Variants in HPSE2 observed in about 807,000 individuals in gnomAD.
HPSE2 encodes inactive heparanase-2.
HPSE2 carries 38 observed loss-of-function variants against 60.5 expected under a neutral mutation model. The observed-to-expected ratio is 0.63, with a 90% CI of 0.48 to 0.82. The LOEUF (loss-of-function observed/expected upper bound fraction) is 0.82. Ranked by LOEUF, HPSE2 falls within the 40% of genes least tolerant of loss-of-function variation. The pLI, the probability that HPSE2 is intolerant of heterozygous loss-of-function variation, is 0.00. For missense variants in HPSE2, 713 were observed against 740.4 expected (o/e 0.96, Z 0.43); for synonymous variants, 295 against 293.2 (o/e 1.01, Z -0.06).
the HPSE2 span, among the ~76,000 whole-genome samples, chr10:99,288,159 A>T: frequency 9.3e-6 from 1 of 107,098 alleles, no homozygotes; most frequent in Admixed American, 9.4e-5. Context: ...TCAGGGCTTC[A>T]GTTTCCCCAT....
upstream of HPSE2, among the ~76,000 whole-genome samples, chr10:99,240,613 C>T (rs1047510686): frequency 3.3e-5 from 5 of 151,988 alleles, no homozygotes; most frequent in African/African-American, 1.2e-4. Flanking sequence ...AGGGTTTCAC[C>T]GTGTTAGCCA....
Position 99,144,341 on chromosome 10 carries a change from G to T in HPSE2, c.507C>A (p.His169Gln), listed in dbSNP as rs779273450. Reference protein sequence around the residue: ...DKQKGCKIAQHPDVMLELQRE... With the variant: ...DKQKGCKIAQQPDVMLELQRE... The stretch of plus-strand genomic sequence containing the variant: ...TTTGGAGCTCCAGCATAACATCAGG[G>T]TGCTGGGCAATCTTGCAGCCTTTCT... Residue 169 changes from histidine to glutamine, a missense_variant, in exon 3 of 12, where the codon CAC becomes CAA. By Grantham distance (24) the His-to-Gln change is conservative. Coordinates refer to ENST00000370552, the MANE Select transcript of HPSE2 (RefSeq NM_021828.5). 2 of 1,614,062 alleles carry T rather than the reference G, an allele frequency of 1.2e-6. No homozygotes were observed. The highest frequency in any genetic ancestry group is 8.5e-7 in the Non-Finnish European group (1 of 1,179,982).
chr10:99,181,206 G>A (rs1279523885), intron 2 of HPSE2, among the ~76,000 whole-genome samples: 4 of 150,582 alleles, frequency 2.7e-5, no homozygotes, highest in African/African-American at 4.9e-5. Context: ...AGACCATCCC[G>A]GCTAAAACGG....
intron 3 of HPSE2, among the ~76,000 whole-genome samples, chr10:99,084,885 T>C (rs528795540): frequency 1.7e-4 from 26 of 152,338 alleles, no homozygotes; most frequent in African/African-American, 6.0e-4. Flanking sequence ...TAACAAACTC[T>C]GCAGTGAGAA....
intron 3 of HPSE2, among the ~76,000 whole-genome samples, chr10:98,835,254 G>A (rs532601227): frequency 6.6e-6 from 1 of 152,232 alleles, no homozygotes; most frequent in South Asian, 2.1e-4. Flanking sequence ...AATTCAGACT[G>A]TAAAACACTT....
intron 3 of HPSE2, among the ~76,000 whole-genome samples, chr10:99,109,486 T>C (rs1417436046): frequency 6.6e-6 from 1 of 151,848 alleles, no homozygotes; most frequent in Non-Finnish European, 1.5e-5. Context: ...TAGCACAGGG[T>C]GGAATAGATT....
intron 3 of HPSE2, among the ~76,000 whole-genome samples, chr10:98,886,353 A>G (rs1017608480): frequency 3.3e-5 from 5 of 152,160 alleles, no homozygotes; most frequent in Non-Finnish European, 5.9e-5. Flanking sequence ...CTAATCTAAT[A>G]GAACATATTT....
intron 3 of HPSE2, among the ~76,000 whole-genome samples, chr10:98,904,629 A>C (rs1424619641): frequency 6.6e-6 from 1 of 152,196 alleles, no homozygotes; most frequent in Non-Finnish European, 1.5e-5. Flanking sequence ...CATAGGGATA[A>C]AAACAGTCTG....
chr10:99,240,409 CTTTT>C (rs1300852308), upstream of HPSE2, among the ~76,000 whole-genome samples: 1 of 117,184 alleles, frequency 8.5e-6, no homozygotes. Context: ...CAATGATTTT[CTTTT>C]TTTTTTTTTT....
the HPSE2 span, among the ~76,000 whole-genome samples, chr10:99,257,673 T>C: frequency 6.6e-6 from 1 of 152,220 alleles, no homozygotes; most frequent in African/African-American, 2.4e-5. Flanking sequence ...GGTCCTGTGA[T>C]CTTGCCCTGC....
intron 7 of HPSE2, among the ~76,000 whole-genome samples, chr10:98,632,871 C>T (rs1029611168): frequency 6.6e-6 from 1 of 152,188 alleles, no homozygotes; most frequent in Non-Finnish European, 1.5e-5. Context: ...TAATGTGGTA[C>T]AGTTTGTATC....
chr10:98,598,582 T>C (rs925313080), intron 9 of HPSE2, among the ~76,000 whole-genome samples: 1 of 151,516 alleles, frequency 6.6e-6, no homozygotes, highest in Non-Finnish European at 1.5e-5. Context: ...CACAGCGTTG[T>C]GACTGAAGCC....
At chr10:99,308,281 G>A in the HPSE2 span, among the ~76,000 whole-genome samples, 5 of 149,938 alleles carry the variant, frequency 3.3e-5, no homozygotes, top group African/African-American at 1.2e-4. Flanking sequence ...CCAGCTACTT[G>A]GGAGGCTGAG....
At chr10:98,555,133 T>C (rs1169443931) in intron 9 of HPSE2, among the ~76,000 whole-genome samples, 1 of 152,216 alleles carries the variant, frequency 6.6e-6, no homozygotes, top group East Asian at 1.9e-4. Flanking sequence ...TTAGACATGT[T>C]CCTTTCAGCT....
chr10:98,608,094 A>G (rs74154329), intron 9 of HPSE2, among the ~76,000 whole-genome samples: 8,378 of 152,226 alleles, frequency 0.055, 772 homozygotes, highest in African/African-American at 0.19. Context: ...GGAAATTGAT[A>G]TTTATTGATG....
chr10:98,470,161 A>G (rs967147346), intron 11 of HPSE2, among the ~76,000 whole-genome samples: 3 of 152,028 alleles, frequency 2.0e-5, no homozygotes, highest in Non-Finnish European at 2.9e-5. Context: ...TAAACATAAC[A>G]TGTTTAGTTA....
intron 3 of HPSE2, among the ~76,000 whole-genome samples, chr10:99,138,015 A>C (rs1018059177): frequency 1.3e-5 from 2 of 152,218 alleles, no homozygotes; most frequent in Non-Finnish European, 2.9e-5. Context: ...TAACATCCAG[A>C]ATCTACAAAG....
intron 3 of HPSE2, among the ~76,000 whole-genome samples, chr10:99,012,393 C>G (rs956640786): frequency 2.6e-5 from 4 of 151,122 alleles, no homozygotes; most frequent in African/African-American, 9.7e-5. Flanking sequence ...TGGTCAACAA[C>G]AAAAAATAGA....
chr10:98,519,551 A>G (rs1942717098), intron 9 of HPSE2, among the ~76,000 whole-genome samples: 1 of 152,280 alleles, frequency 6.6e-6, no homozygotes, highest in Non-Finnish European at 1.5e-5. Flanking sequence ...AGGTTTTATA[A>G]TAACCACTGC....
Sources: allele counts gnomAD v4.1 joint callset (sites outside exome capture counted in the v4.1 genomes callset), GRCh38; gene constraint gnomAD v4.1.1; transcripts MANE v1.5; gene names NCBI Gene and HGNC (gene_info 2026-07-23, HGNC 2026-07-21).